The following CNTN5 variants were observed in gnomAD, a reference collection of about 807,000 sequenced individuals.
The protein encoded by CNTN5 is contactin 5.
A neutral mutation model predicts 129.1 loss-of-function variants in CNTN5; 77 were observed. The observed-to-expected ratio is 0.60, with a 90% confidence interval of 0.50 to 0.72. CNTN5 has a LOEUF of 0.72. Ranked by LOEUF, CNTN5 falls within the 30% of genes least tolerant of loss-of-function variation. The pLI, the probability that CNTN5 is intolerant of heterozygous loss-of-function variation, is 0.00. For missense variants in CNTN5, 1,478 were observed against 1,328.8 expected (o/e 1.11, Z -1.75); for synonymous variants, 509 against 465.6 (o/e 1.09, Z -1.20).
intron 18 of CNTN5, among the ~76,000 whole-genome samples, chr11:100,283,925 G>A (rs1950703392): frequency 6.6e-6 from 1 of 152,056 alleles, no homozygotes; most frequent in Non-Finnish European, 1.5e-5. Context: ...CATCCTGGGT[G>A]ACATAGCGAG....
chr11:99,823,638 GA>G (rs1294304361), intron 4 of CNTN5, among the ~76,000 whole-genome samples: 1 of 151,974 alleles, frequency 6.6e-6, no homozygotes, highest in Admixed American at 6.6e-5. Flanking sequence ...GTCAAATATT[GA>G]AAACATAAAG....
intron 1 of CNTN5, among the ~76,000 whole-genome samples, chr11:99,101,373 C>T (rs1866727610): frequency 6.6e-6 from 1 of 152,180 alleles, no homozygotes; most frequent in African/African-American, 2.4e-5. Flanking sequence ...ATCTTGCATT[C>T]CCAACAGTCC....
chr11:99,151,742 T>A (rs1456968132), intron 1 of CNTN5, among the ~76,000 whole-genome samples: 2 of 152,168 alleles, frequency 1.3e-5, no homozygotes, highest in African/African-American at 4.8e-5. Flanking sequence ...AATGAGTTCA[T>A]GTCCTTTGCA....
intron 2 of CNTN5, among the ~76,000 whole-genome samples, chr11:99,408,448 G>GAAAGAAAGAGAAAGAAAGAA (rs71305322): frequency 2.0e-4 from 16 of 78,130 alleles, no homozygotes; most frequent in Middle Eastern, 6.4e-3. Flanking sequence ...AAGAAAGAAA[G>GAAAGAAAGAGAAAGAAAGAA]AGAAAGAAAG....
At position 99,967,459 on chromosome 11, in the gene CNTN5, T is replaced by G. The variant is rs866121929; in HGVS notation, c.877+10450T>G. Among the ~76,000 whole-genome samples, 19 of 152,270 alleles carry G rather than the reference T, an allele frequency of 1.2e-4. No individual in the cohort carries two copies. The South Asian group carries it at 1.9e-3, about 15-fold the overall frequency. On this transcript the variant is annotated intron_variant, in intron 8 of 24. Coordinates refer to ENST00000524871, the MANE Select transcript of CNTN5 (RefSeq NM_014361.4). Reference sequence around the variant, plus strand: ...TTCCAATCCAATATGAGGTAGGATATTCCCATAAAAACTGACACAGATTCT... The same window carrying G: ...TTCCAATCCAATATGAGGTAGGATAGTCCCATAAAAACTGACACAGATTCT...
intron 9 of CNTN5, among the ~76,000 whole-genome samples, chr11:100,010,811 C>G (rs1940482178): frequency 1.3e-5 from 2 of 152,126 alleles, no homozygotes. Context: ...ACACAGTTTC[C>G]TCTGTCTAAA....
At chr11:100,196,499 C>T (rs964948677) in intron 15 of CNTN5, among the ~76,000 whole-genome samples, 2 of 151,964 alleles carry the variant, frequency 1.3e-5, no homozygotes, top group African/African-American at 4.8e-5. Flanking sequence ...TATACATCCA[C>T]ATCTATATAC....
At chr11:99,226,634 G>A (rs1860699809) in intron 1 of CNTN5, among the ~76,000 whole-genome samples, 1 of 152,098 alleles carries the variant, frequency 6.6e-6, no homozygotes, top group African/African-American at 2.4e-5. Flanking sequence ...AACATATGTA[G>A]TATCTTCACT....
intron 1 of CNTN5, among the ~76,000 whole-genome samples, chr11:99,030,287 T>C (rs1247316376): frequency 1.3e-5 from 2 of 152,198 alleles, no homozygotes; most frequent in Admixed American, 1.3e-4. Flanking sequence ...AATTTCTTTT[T>C]ATCCTTAGAC....
chr11:100,232,811 A>G (rs1250178382), intron 16 of CNTN5, among the ~76,000 whole-genome samples: 1 of 152,206 alleles, frequency 6.6e-6, no homozygotes, highest in Non-Finnish European at 1.5e-5. Flanking sequence ...TATGAGCAGC[A>G]CATTTTGCTC....
intron 3 of CNTN5, among the ~76,000 whole-genome samples, chr11:99,692,099 T>A (rs1440814728): frequency 6.6e-6 from 1 of 152,134 alleles, no homozygotes; most frequent in Non-Finnish European, 1.5e-5. Context: ...CTTGGTAAAT[T>A]TTCCTCTTTC....
chr11:99,508,495 C>G (rs945122898), intron 2 of CNTN5, among the ~76,000 whole-genome samples: 17 of 152,126 alleles, frequency 1.1e-4, no homozygotes, highest in Non-Finnish European at 1.9e-4. Context: ...GCTGTACTAC[C>G]ATTTCATACA....
Position 100,193,393 on chromosome 11 carries a change from T to G in CNTN5, c.1709-95T>G, listed in dbSNP as rs1488593260. 3.8e-6 allele frequency: 3 copies of G among 781,478 alleles called. No individual in the cohort carries two copies. In the South Asian group the frequency reaches 6.2e-5, roughly 16 times the overall value. 48.4% of individuals were successfully genotyped at this position (781,478 alleles called of 1,614,324 possible). On this transcript the variant is annotated intron_variant, in intron 14 of 24. Transcript: ENST00000524871. ...ATGTATCTGGAGCAACTGTATTGTATAGATTTCTTCTTTTCTCAATTATTT... is the reference window on the plus strand; with the variant it reads ...ATGTATCTGGAGCAACTGTATTGTAGAGATTTCTTCTTTTCTCAATTATTT...
chr11:99,711,586 C>A (rs895848741), intron 3 of CNTN5, among the ~76,000 whole-genome samples: 2 of 151,798 alleles, frequency 1.3e-5, no homozygotes, highest in Admixed American at 1.3e-4. Flanking sequence ...CACTCATCAG[C>A]CCATCATTCA....
intron 16 of CNTN5, among the ~76,000 whole-genome samples, chr11:100,232,888 G>A (rs956091487): frequency 3.9e-5 from 6 of 152,038 alleles, no homozygotes; most frequent in Admixed American, 6.5e-5. Flanking sequence ...CCTATATGTC[G>A]GGCACTGCAC....
chr11:99,250,342 T>A (rs1862034854), intron 1 of CNTN5, among the ~76,000 whole-genome samples: 1 of 151,964 alleles, frequency 6.6e-6, no homozygotes, highest in Admixed American at 6.6e-5. Context: ...ATAAATTCAT[T>A]GAGTGTTGAT....
chr11:100,314,647 A>G (rs1951542166), intron 21 of CNTN5, among the ~76,000 whole-genome samples: 1 of 152,076 alleles, frequency 6.6e-6, no homozygotes, highest in Non-Finnish European at 1.5e-5. Flanking sequence ...CTTCTCTACT[A>G]ATTGAGGGAA....
At chr11:99,102,658 T>C (rs1866797464) in intron 1 of CNTN5, among the ~76,000 whole-genome samples, 1 of 152,150 alleles carries the variant, frequency 6.6e-6, no homozygotes, top group African/African-American at 2.4e-5. Context: ...CATTTCTGTT[T>C]GAGACGAACT....
At chr11:99,738,132 C>A in intron 3 of CNTN5, among the ~76,000 whole-genome samples, 1 of 152,116 alleles carries the variant, frequency 6.6e-6, no homozygotes, top group Non-Finnish European at 1.5e-5. Flanking sequence ...GACTTCAAAT[C>A]ATATGTTGAC....
Sources: gnomAD v4.1 joint callset for allele counts (sites outside exome capture counted in the v4.1 genomes callset) on GRCh38, gnomAD v4.1.1 for gene constraint, MANE v1.5 for transcripts, NCBI Gene and HGNC (gene_info 2026-07-23, HGNC 2026-07-21) for gene names.